The following PIDD1 variants were observed in gnomAD, a reference collection of about 807,000 sequenced individuals.
The protein encoded by PIDD1 is p53-induced death domain-containing protein 1.
Under a neutral mutation model 80.0 loss-of-function variants are expected in PIDD1, and 72 were observed. The ratio of observed to expected loss-of-function variants is 0.90; its 90% CI spans 0.74 to 1.09. The LOEUF (loss-of-function observed/expected upper bound fraction) is 1.09, where lower values mean the gene tolerates loss of function less well. Ranked by LOEUF, PIDD1 falls within the 50% of genes least tolerant of loss-of-function variation. PIDD1 has a pLI of 0.00. For missense variants in PIDD1, 1,329 were observed against 1,228.3 expected (o/e 1.08, Z -1.23); for synonymous variants, 655 against 543.5 (o/e 1.21, Z -2.85).
In PIDD1 at chr11:800,366, A is replaced by AGTGGTGG. The variant is rs1176556080; in HGVS notation, c.2120_2126dup (p.Leu710HisfsTer30). 6.2e-7 allele frequency: 1 copy of AGTGGTGG among 1,610,246 alleles called. No individual in the cohort carries two copies. Among genetic ancestry groups the AGTGGTGG allele is most frequent in the Non-Finnish European group, 8.5e-7 (1 of 1,178,608 alleles). On this transcript the variant is annotated frameshift_variant, in exon 13 of 16. Transcript: ENST00000347755. LOFTEE classifies it high-confidence loss of function. ...GCACAGCCTGAGCCTCCCGGTCCAG[A>AGTGGTGG]GTGGTGGTCACGTATACCTCCTTCA...
In PIDD1 at chr11:799,313, C is replaced by T. The variant is rs1445088364; in HGVS notation, c.2727G>A (p.Gln909=). The change falls in exon 16 of 16, where the codon CAG becomes CAA. Residue 909 remains glutamine, a synonymous_variant. Coordinates refer to ENST00000347755, the MANE Select transcript of PIDD1 (RefSeq NM_145886.4). ...SSAPQPPEPA[Q]A ...GCCTAAAAGTCTGTGGGGCCTAGGC[C>T]TGGGCAGGCTCTGGGGGCTGTGGAG... 2 of 1,597,922 alleles carry T rather than the reference C, an allele frequency of 1.3e-6. No individual in the cohort carries two copies. Among genetic ancestry groups the T allele is most frequent in the Non-Finnish European group, 1.7e-6 (2 of 1,173,612 alleles).
chr11:805,391 A>G (rs1360814900), upstream of PIDD1: 2 of 336,132 alleles, frequency 6.0e-6, no homozygotes, highest in Non-Finnish European at 8.5e-6. Context: ...GCAGCCCCGG[A>G]GACGCGGACG....
Position 799,555 on chromosome 11 carries a change from C to G in PIDD1, c.2485G>C (p.Asp829His). Residue 829 changes from aspartate (D) to histidine (H), a missense_variant, in exon 16 of 16, where the codon GAT becomes CAT. Coordinates refer to ENST00000347755, the MANE Select transcript of PIDD1 (RefSeq NM_145886.4). Reference protein sequence around the residue: ...RIRHEFRDDLDEQIRHMLFSW... With the variant: ...RIRHEFRDDLHEQIRHMLFSW... Reference sequence around the variant, plus strand: ...AAGAGCATGTGACGGATCTGCTCATCCAGATCATCCCTGCAGGCAGAGGAT... The same window carrying G: ...AAGAGCATGTGACGGATCTGCTCATGCAGATCATCCCTGCAGGCAGAGGAT... 1 of 1,597,686 alleles carries G rather than the reference C, an allele frequency of 6.3e-7. No homozygotes were observed. The highest frequency in any genetic ancestry group is 1.3e-5 in the African/African-American group (1 of 74,970).
chr11:804,611 C>T, intron 1 of PIDD1, 148 bp from the exon 2 acceptor site: 2 of 736,610 alleles, frequency 2.7e-6, no homozygotes, highest in Non-Finnish European at 4.1e-6. Context: ...TCACCCTGAA[C>T]CCCGGAGGCC....
At chr11:802,942 G>C (rs776995187) in intron 3 of PIDD1, 51 bp from the exon 4 acceptor site, 20 of 1,451,552 alleles carry the variant, frequency 1.4e-5, no homozygotes, top group Middle Eastern at 2.4e-4. Flanking sequence ...CCACGGCGCT[G>C]GGACACTCCT....
Position 800,605 on chromosome 11 carries a change from A to G in PIDD1, c.1979T>C (p.Val660Ala), listed in dbSNP as rs772822732. ...GAACTCTTCGCCCTCGAACATCTCC[A>G]CCGTGTCAGAGGGCTCGGGGCCCCG... Reference protein sequence around the residue: ...RYRGPEPSDTVEMFEGEEFFA... With the variant: ...RYRGPEPSDTAEMFEGEEFFA... Residue 660 changes from valine to alanine, a missense_variant, in exon 12 of 16, where the codon GTG becomes GCG. Val to Ala is a moderately conservative substitution (Grantham distance 64). Coordinates refer to ENST00000347755, the MANE Select transcript of PIDD1 (RefSeq NM_145886.4). The G allele has an allele frequency of 4.4e-6, 7 of 1,597,814 alleles. No homozygotes were observed. The highest frequency in any genetic ancestry group is 3.4e-5 in the Admixed American group (2 of 59,418).
chr11:802,295 C>T lies in PIDD1; in HGVS notation c.1076G>A (p.Arg359Gln), dbSNP rs370451276. 6.9e-5 allele frequency: 111 copies of T among 1,612,190 alleles called. No homozygotes were observed. Among genetic ancestry groups the T allele is most frequent in the Middle Eastern group, 1.7e-4 (1 of 5,894 alleles). Reference sequence around the variant, plus strand: ...GAGGCCTGGCTCCGGCAGCAGCAGCCGATAGCGGATGGTGATGGGGGTGGC... The same window carrying T: ...GAGGCCTGGCTCCGGCAGCAGCAGCTGATAGCGGATGGTGATGGGGGTGGC... Reference protein sequence around the residue: ...ATATPITIRYRLLLPEPGLVP... With the variant: ...ATATPITIRYQLLLPEPGLVP... The change falls in exon 6 of 16, where the codon CGG becomes CAG. Residue 359 changes from arginine to glutamine, a missense_variant. Coordinates refer to ENST00000347755, the MANE Select transcript of PIDD1 (RefSeq NM_145886.4).
Position 801,013 on chromosome 11 carries a change from C to G in PIDD1, c.1738G>C (p.Ala580Pro). The G allele has an allele frequency of 1.2e-6, 2 of 1,603,410 alleles. No homozygotes were observed. Among genetic ancestry groups the G allele is most frequent in the Non-Finnish European group, 1.7e-6 (2 of 1,175,640 alleles). The stretch of plus-strand genomic sequence containing the variant: ...GAGAAGTGTGTGACCTGGAAGCGTG[C>G]GTACAGGTGGGTGAGCTCCAGGACC... ...QVVLELTHLY[A>P]RFQVTHFSWY... Residue 580 changes from alanine (A) to proline (P), a missense_variant, in exon 10 of 16, where the codon GCA (alanine) becomes CCA (proline). Ala to Pro is a conservative substitution (Grantham distance 27). Coordinates refer to ENST00000347755, the MANE Select transcript of PIDD1 (RefSeq NM_145886.4).
Position 801,086 on chromosome 11 carries a change from C to T in PIDD1, c.1665G>A (p.Leu555=). ...AGGTGGCTGCAGGAGGGGCCCAGTA[C>T]AACAGGTGCAGGCGGGAGCGGTCCA... ...LSLDRSRLHL[L]YWAPPAATWD... is the part of the protein sequence containing the mutation. Residue 555 remains leucine, a synonymous_variant, in exon 10 of 16, where the codon TTG becomes TTA. Coordinates refer to ENST00000347755, the MANE Select transcript of PIDD1 (RefSeq NM_145886.4). The T allele has an allele frequency of 6.3e-7, 1 of 1,592,772 alleles. No homozygotes were observed. Among genetic ancestry groups the T allele is most frequent in the Non-Finnish European group, 8.6e-7 (1 of 1,168,638 alleles).
Position 801,482 on chromosome 11 carries a change from G to C in PIDD1, c.1445C>G (p.Pro482Arg). The part of the protein sequence containing the change: ...GHPGVKVIFP[P>R]GATEEPRRVS... ...TCGACGAGGCTCCTCAGTGGCCCCA[G>C]GGGGGAAGATGACTTTGACCCCAGG... The change falls in exon 8 of 16, where the codon CCT becomes CGT. Residue 482 changes from proline to arginine, a missense_variant. By Grantham distance (103) the Pro-to-Arg change is moderately radical. Coordinates refer to ENST00000347755, the MANE Select transcript of PIDD1 (RefSeq NM_145886.4). 2 of 1,546,924 alleles carry C rather than the reference G, an allele frequency of 1.3e-6. No homozygotes were observed. The highest frequency in any genetic ancestry group is 1.7e-6 in the Non-Finnish European group (2 of 1,144,134).
rs1164111544 is a variant in PIDD1, at chr11:804,074, C to T, written c.295+20G>A. The stretch of plus-strand genomic sequence containing the variant: ...GCAGAGCGAGAGATGGAGACAGGGC[C>T]CAGAACAGGTGGAACTCACCTTTGA... On this transcript the variant is annotated intron_variant, in intron 2 of 15. Transcript: ENST00000347755. 6.3e-7 allele frequency: 1 copy of T among 1,589,808 alleles called. No individual in the cohort carries two copies. The highest frequency in any genetic ancestry group is 1.3e-5 in the African/African-American group (1 of 74,598).
rs776364397 is a variant in PIDD1, at chr11:801,280, C to G, written c.1568G>C (p.Ser523Thr). Reference sequence around the variant, plus strand: ...CGGTTGGAGGAAGCTGGGGGGACCGCTCTGTGACAGGCACAGCAGGGGGCT... The same window carrying G: ...CGGTTGGAGGAAGCTGGGGGGACCGGTCTGTGACAGGCACAGCAGGGGGCT... ...AVSPLLCLSQ[S>T]GPPSFLQPVT... The change falls in exon 9 of 16, where the codon AGC (serine) becomes ACC (threonine). Residue 523 changes from serine to threonine, a missense_variant. Coordinates refer to ENST00000347755, the MANE Select transcript of PIDD1 (RefSeq NM_145886.4). The G allele has an allele frequency of 3.8e-6, 6 of 1,588,098 alleles. No individual in the cohort carries two copies. Among genetic ancestry groups the G allele is most frequent in the Admixed American group, 1.8e-5 (1 of 56,548 alleles).
chr11:799,491 ACAGCCCCTGGCTGCC>A lies in PIDD1; in HGVS notation c.2534_2548del (p.Gly845_Ala849del). On this transcript the variant is annotated inframe_deletion, in exon 16 of 16. Coordinates refer to ENST00000347755, the MANE Select transcript of PIDD1 (RefSeq NM_145886.4). ...CTCCAGGGCCTGCACCAGGAGCCCC[ACAGCCCCTGGCTGCC>A]CAGCCTGGCGCTCAGCCCAGGAGAA... 1 of 1,608,232 alleles carries A rather than the reference ACAGCCCCTGGCTGCC, an allele frequency of 6.2e-7. No homozygotes were observed. Among genetic ancestry groups the A allele is most frequent in the Non-Finnish European group, 8.5e-7 (1 of 1,179,834 alleles).
In PIDD1 at chr11:805,185, T is replaced by C. The variant is rs566300463; in HGVS notation, c.-82A>G. ...CGCCCAGGCCGGCGCGTACCTGCGC[T>C]GCAGGCGGCGCGCAAAGGGTGGCTG... is the stretch of plus-strand genomic sequence containing the variant. On this transcript the variant is annotated 5_prime_UTR_variant, in exon 1 of 16. Transcript: ENST00000347755. The C allele has an allele frequency of 2.2e-3, 2,190 of 983,182 alleles. 45 individuals carry two copies. The African/African-American group carries it at 0.033, about 15-fold the overall frequency. The allele number at this position is 983,182 out of a possible 1,614,324, so 60.9% of individuals were successfully genotyped here.
At position 801,409 on chromosome 11, in the gene PIDD1, C is replaced by T. The variant is rs544117389; in HGVS notation, c.1482+36G>A. 7.8e-5 allele frequency: 123 copies of T among 1,576,814 alleles called. No homozygotes were observed. In the Admixed American group the frequency reaches 1.3e-3, roughly 17 times the overall value. On this transcript the variant is annotated intron_variant, in intron 8 of 15. Coordinates refer to ENST00000347755, the MANE Select transcript of PIDD1 (RefSeq NM_145886.4). ...CTGAGCACCTGCCTGTGGGCTGAGGCGCGGCCTGCCACCCTCAGTGCTGTC... is the reference window on the plus strand; with the variant it reads ...CTGAGCACCTGCCTGTGGGCTGAGGTGCGGCCTGCCACCCTCAGTGCTGTC...
At position 800,705 on chromosome 11, in the gene PIDD1, G is replaced by GC. The variant is rs753605694; in HGVS notation, c.1918-40dup. ...CGTGCAGCTCAGGACCCAAAGCTCT[G>GC]CACCCCACCCCAGCCCTCTGGTCAC... On this transcript the variant is annotated intron_variant, in intron 11 of 15. Transcript: ENST00000347755. 7.1e-6 allele frequency: 11 copies of GC among 1,555,898 alleles called. No individual in the cohort carries two copies. The Admixed American group carries it at 2.0e-4, about 29-fold the overall frequency.
chr11:800,523 G>A lies in PIDD1; in HGVS notation c.2041+20C>T. On this transcript the variant is annotated intron_variant, in intron 12 of 15. Transcript: ENST00000347755. ...TAAGGCTCCCCCTCCAGGGCAGGGA[G>A]CATCCACCAGCATCCCTACCAGCAT... is the stretch of plus-strand genomic sequence containing the variant. The A allele has an allele frequency of 6.2e-7, 1 of 1,609,158 alleles. No homozygotes were observed. Among genetic ancestry groups the A allele is most frequent in the Non-Finnish European group, 8.5e-7 (1 of 1,179,216 alleles).
upstream of PIDD1, among the ~76,000 whole-genome samples, chr11:809,169 G>C (rs1036179436): frequency 1.3e-5 from 2 of 152,204 alleles, no homozygotes; most frequent in Non-Finnish European, 2.9e-5. Context: ...AGAATGTAGC[G>C]GGGTCCCTGA....
chr11:809,121 T>C (rs979464815), upstream of PIDD1, among the ~76,000 whole-genome samples: 1 of 151,408 alleles, frequency 6.6e-6, no homozygotes, highest in Non-Finnish European at 1.5e-5. Context: ...CTCAAGTCCT[T>C]AGGAGGCAGG....
Sources: gnomAD v4.1 joint callset for allele counts (sites outside exome capture counted in the v4.1 genomes callset) on GRCh38, gnomAD v4.1.1 for gene constraint, MANE v1.5 for transcripts, NCBI Gene and HGNC (gene_info 2026-07-23, HGNC 2026-07-21) for gene names.